The following IL1RAPL2 variants were observed in gnomAD, a reference collection of about 807,000 sequenced individuals.
IL1RAPL2 encodes the protein interleukin 1 receptor accessory protein like 2.
A neutral mutation model predicts 44.1 loss-of-function variants in IL1RAPL2; 3 were observed. That is an observed-to-expected ratio of 0.07 (90% CI 0.03 to 0.18). The LOEUF is 0.18. Among genes scored for constraint, IL1RAPL2 ranks in the 10% least tolerant of loss-of-function variants. The pLI, the probability that IL1RAPL2 is intolerant of heterozygous loss-of-function variation, is 1.00. For missense variants in IL1RAPL2, 391 were observed against 496.4 expected (o/e 0.79, Z 2.02); for synonymous variants, 181 against 178.8 (o/e 1.01, Z -0.10).
At chrX:104,933,209 G>A (rs1473700759) in intron 2 of IL1RAPL2, among the ~76,000 whole-genome samples, 3 of 111,228 alleles carry the variant, frequency 2.7e-5, no homozygotes, top group African/African-American at 6.5e-5. Context: ...CATGGCACAT[G>A]TATACCTATG....
chrX:105,286,442 C>T (rs976238313), intron 5 of IL1RAPL2, among the ~76,000 whole-genome samples: 1 of 105,161 alleles, frequency 9.5e-6, no homozygotes, highest in Non-Finnish European at 1.9e-5. Context: ...ACTGCTACTA[C>T]TACCACCATT....
In IL1RAPL2 at chrX:105,026,560, C is replaced by T. The variant is rs1337884212; in HGVS notation, c.83-168915C>T. ...AACATTTCTATATGCCAATATTGAA[C>T]AATCTGTAAAACAAAAAAGTAATTC... is the stretch of plus-strand genomic sequence containing the variant. On this transcript the variant is annotated intron_variant, in intron 2 of 10. Transcript: ENST00000372582. 7.2e-5 allele frequency among the ~76,000 whole-genome samples: 8 copies of T among 110,505 alleles called. No homozygotes were observed. The Admixed American group carries it at 7.7e-4, about 11-fold the overall frequency.
intron 2 of IL1RAPL2, among the ~76,000 whole-genome samples, chrX:105,126,018 T>A (rs745681376): frequency 9.0e-6 from 1 of 111,413 alleles, no homozygotes; most frequent in African/African-American, 3.2e-5. Flanking sequence ...TTTTATCCAG[T>A]GTAAGAAATT....
chrX:105,191,602 G>A (rs1556137215), intron 2 of IL1RAPL2, among the ~76,000 whole-genome samples: 1 of 112,238 alleles, frequency 8.9e-6, no homozygotes. Flanking sequence ...GAGTAGTGAT[G>A]AGAATCTTAA....
At chrX:105,556,697 C>G (rs771218679) in intron 6 of IL1RAPL2, among the ~76,000 whole-genome samples, 2 of 111,795 alleles carry the variant, frequency 1.8e-5, no homozygotes, top group Non-Finnish European at 3.8e-5. Flanking sequence ...AAATTGAGGA[C>G]ACATATGTGA....
chrX:104,964,836 G>C (rs767606861), intron 2 of IL1RAPL2, among the ~76,000 whole-genome samples: 26 of 108,677 alleles, frequency 2.4e-4, no homozygotes, highest in African/African-American at 8.7e-4. Flanking sequence ...AAAGGGTCTT[G>C]CTCTACTGTT....
intron 2 of IL1RAPL2, among the ~76,000 whole-genome samples, chrX:105,078,906 C>T (rs2032357671): frequency 8.9e-6 from 1 of 111,996 alleles, no homozygotes; most frequent in Non-Finnish European, 1.9e-5. Context: ...GTGGGAGTGA[C>T]CCGATTTTCC....
chrX:104,638,834 A>C (rs1342379476), intron 1 of IL1RAPL2, among the ~76,000 whole-genome samples: 1 of 112,186 alleles, frequency 8.9e-6, no homozygotes, highest in Non-Finnish European at 1.9e-5. Flanking sequence ...ATGTATTCTG[A>C]AGTTGCTGGA....
chrX:105,251,573 T>G (rs1293710266), intron 4 of IL1RAPL2, among the ~76,000 whole-genome samples: 1 of 97,048 alleles, frequency 1.0e-5, no homozygotes, highest in Non-Finnish European at 1.9e-5. Context: ...GCATTAGAAG[T>G]GGGGAGGTTT....
intron 2 of IL1RAPL2, among the ~76,000 whole-genome samples, chrX:105,047,035 C>T (rs2031848756): frequency 9.0e-6 from 1 of 110,628 alleles, no homozygotes; most frequent in African/African-American, 3.3e-5. Flanking sequence ...AAGAAAGCAT[C>T]CCATATCCAC....
At chrX:105,293,971 A>G (rs1329563790) in intron 5 of IL1RAPL2, among the ~76,000 whole-genome samples, 2 of 112,624 alleles carry the variant, frequency 1.8e-5, no homozygotes, top group Non-Finnish European at 3.7e-5. Flanking sequence ...CAATTTGCAA[A>G]CAATAGATGA....
intron 2 of IL1RAPL2, among the ~76,000 whole-genome samples, chrX:104,906,390 A>G (rs1924007720): frequency 1.8e-5 from 2 of 110,886 alleles, no homozygotes; most frequent in Non-Finnish European, 3.8e-5. Context: ...GCCTGTTTTC[A>G]AAGGGAATGC....
chrX:105,725,385 A>T (rs1489774589), intron 7 of IL1RAPL2, among the ~76,000 whole-genome samples: 2 of 111,809 alleles, frequency 1.8e-5, no homozygotes, highest in Non-Finnish European at 3.8e-5. Flanking sequence ...CTGTGAGCTG[A>T]ATATGGTCTT....
chrX:105,060,412 T>C (rs1435677577), intron 2 of IL1RAPL2, among the ~76,000 whole-genome samples: 1 of 111,861 alleles, frequency 8.9e-6, no homozygotes, highest in Non-Finnish European at 1.9e-5. Context: ...ATTAATTGAT[T>C]AGCTTTTGCT....
intron 2 of IL1RAPL2, among the ~76,000 whole-genome samples, chrX:104,851,993 C>A (rs1038499537): frequency 5.4e-5 from 6 of 111,355 alleles, no homozygotes; most frequent in Non-Finnish European, 1.1e-4. Context: ...AAACACCTCC[C>A]ACTAGGCCCC....
Position 105,205,214 on chromosome X carries a change from A to C in IL1RAPL2, c.356+9466A>C, listed in dbSNP as rs182079283. Among the ~76,000 whole-genome samples, 651 of 110,605 alleles carry C rather than the reference A, an allele frequency of 5.9e-3. 6 individuals are homozygous for C. The highest frequency in any genetic ancestry group is 0.01 in the Non-Finnish European group (550 of 52,879). On this transcript the variant is annotated intron_variant, in intron 3 of 10. Transcript: ENST00000372582. ...ATGACAAGAAGGAGCCAGTCTTGTG[A>C]AAATCTTGGGGCAGAGTATTCCAGT...
chrX:104,920,840 C>CT (rs1484000244), intron 2 of IL1RAPL2, among the ~76,000 whole-genome samples: 1 of 110,104 alleles, frequency 9.1e-6, no homozygotes, highest in African/African-American at 3.3e-5. Flanking sequence ...TGGGAGGTGC[C>CT]TTTTCTGTGG....
intron 2 of IL1RAPL2, among the ~76,000 whole-genome samples, chrX:105,105,164 C>T (rs995298230): frequency 9.0e-6 from 1 of 111,352 alleles, no homozygotes; most frequent in African/African-American, 3.3e-5. Flanking sequence ...GGATATGAGG[C>T]TTTGGAATGG....
chrX:105,504,142 G>A (rs994794574), intron 6 of IL1RAPL2, among the ~76,000 whole-genome samples: 5 of 111,669 alleles, frequency 4.5e-5, no homozygotes, highest in African/African-American at 1.6e-4. Context: ...TAAGAAGTTT[G>A]CTGAGCTAAA....
Sources: gnomAD v4.1 joint callset for allele counts (sites outside exome capture counted in the v4.1 genomes callset) on GRCh38, gnomAD v4.1.1 for gene constraint, MANE v1.5 for transcripts, NCBI Gene and HGNC (gene_info 2026-07-23, HGNC 2026-07-21) for gene names.